The following CTNNA3 variants were observed in gnomAD, a reference collection of about 807,000 sequenced individuals.
CTNNA3 encodes catenin alpha-3.
In CTNNA3, 76 loss-of-function variants were observed where a neutral mutation model predicts 95.7. The ratio of observed to expected loss-of-function variants is 0.79; its 90% CI spans 0.66 to 0.96. The LOEUF is 0.96. CTNNA3 is among the 40% of genes least tolerant of loss of function. The pLI, the probability that CTNNA3 is intolerant of heterozygous loss-of-function variation, is 0.00. For synonymous variants in CTNNA3, 431 were observed against 374.4 expected (o/e 1.15, Z -1.74); for missense variants, 1,191 against 1,089.8 (o/e 1.09, Z -1.31).
intron 3 of CTNNA3, among the ~76,000 whole-genome samples, chr10:67,551,948 G>A (rs1346184979): frequency 1.3e-5 from 2 of 152,164 alleles, no homozygotes; most frequent in African/African-American, 4.8e-5. Context: ...GTAAAAAAAG[G>A]AGCAATGAAA....
At chr10:66,979,939 A>C (rs978988415) in intron 7 of CTNNA3, among the ~76,000 whole-genome samples, 2 of 152,204 alleles carry the variant, frequency 1.3e-5, no homozygotes, top group South Asian at 4.1e-4. Context: ...TTCCTCAAGT[A>C]CTGTTGGAAC....
Position 66,042,923 on chromosome 10 carries a change from A to G in CTNNA3, c.2159+26385T>C, listed in dbSNP as rs1401703148. Reference sequence around the variant, plus strand: ...TCAAAAAAAAAAAAAAAAAAAAAAAAAAAAAAGAAAATAAAAATAATGAGA... The same window carrying G: ...TCAAAAAAAAAAAAAAAAAAAAAAAGAAAAAAGAAAATAAAAATAATGAGA... On this transcript the variant is annotated intron_variant, in intron 15 of 17. Coordinates refer to ENST00000433211, the MANE Select transcript of CTNNA3 (RefSeq NM_013266.4). Among the ~76,000 whole-genome samples, 7 of 146,360 alleles carry G rather than the reference A, an allele frequency of 4.8e-5. 1 individual carries two copies. The highest frequency in any genetic ancestry group is 7.5e-5 in the Non-Finnish European group (5 of 66,580).
At chr10:66,433,622 C>G (rs540105348) in intron 11 of CTNNA3, among the ~76,000 whole-genome samples, 1 of 152,082 alleles carries the variant, frequency 6.6e-6, no homozygotes, top group Non-Finnish European at 1.5e-5. Context: ...TAGTTTCTTT[C>G]ACCGTGCAGA....
chr10:66,269,121 C>A (rs1176336486), intron 13 of CTNNA3, among the ~76,000 whole-genome samples: 1 of 152,196 alleles, frequency 6.6e-6, no homozygotes, highest in African/African-American at 2.4e-5. Context: ...CATACATTAA[C>A]CCTTTTAAAC....
chr10:67,030,778 G>C (rs1853670140), intron 7 of CTNNA3, among the ~76,000 whole-genome samples: 1 of 152,116 alleles, frequency 6.6e-6, no homozygotes, highest in Non-Finnish European at 1.5e-5. Flanking sequence ...GGCCGAGGTG[G>C]GCAGATCACG....
intron 10 of CTNNA3, among the ~76,000 whole-genome samples, chr10:66,545,087 T>C (rs1250306896): frequency 6.6e-6 from 1 of 152,062 alleles, no homozygotes; most frequent in African/African-American, 2.4e-5. Flanking sequence ...GTTGAACGGG[T>C]AGGATATTTT....
intron 7 of CTNNA3, among the ~76,000 whole-genome samples, chr10:66,962,273 G>A (rs1849151648): frequency 6.6e-6 from 1 of 152,042 alleles, no homozygotes; most frequent in South Asian, 2.1e-4. Flanking sequence ...TCACCCACTA[G>A]CCTCTCTTTG....
At chr10:67,708,077 A>G (rs1458788306) in intron 1 of CTNNA3, among the ~76,000 whole-genome samples, 5 of 152,176 alleles carry the variant, frequency 3.3e-5, no homozygotes, top group Non-Finnish European at 7.4e-5. Flanking sequence ...CTATTTCAGA[A>G]CAAACTATTG....
chr10:66,692,535 T>A (rs1847589598), intron 9 of CTNNA3, among the ~76,000 whole-genome samples: 1 of 152,056 alleles, frequency 6.6e-6, no homozygotes, highest in Non-Finnish European at 1.5e-5. Context: ...TGGAAAACAC[T>A]CTGCAGGATA....
At chr10:67,291,735 C>A (rs929354738) in intron 5 of CTNNA3, among the ~76,000 whole-genome samples, 5 of 152,128 alleles carry the variant, frequency 3.3e-5, no homozygotes, top group African/African-American at 4.8e-5. Flanking sequence ...ATTACTGTAA[C>A]CTCTTCACAT....
intron 10 of CTNNA3, among the ~76,000 whole-genome samples, chr10:66,601,927 A>G (rs1843941323): frequency 6.6e-6 from 1 of 151,738 alleles, no homozygotes; most frequent in Non-Finnish European, 1.5e-5. Context: ...AAATTAGAAT[A>G]CTCTCTTCTT....
At chr10:66,760,362 T>G (rs988487233) in intron 9 of CTNNA3, among the ~76,000 whole-genome samples, 2 of 152,154 alleles carry the variant, frequency 1.3e-5, no homozygotes, top group African/African-American at 4.8e-5. Flanking sequence ...TCCTGCCAAC[T>G]TACCTATCTA....
chr10:66,472,335 C>T (rs1387456883), intron 11 of CTNNA3, among the ~76,000 whole-genome samples: 7 of 151,810 alleles, frequency 4.6e-5, no homozygotes, highest in Admixed American at 4.6e-4. Context: ...CCCCTGTAGA[C>T]TCTGGAACAT....
At chr10:67,130,971 G>A (rs900504997) in intron 7 of CTNNA3, among the ~76,000 whole-genome samples, 2 of 152,088 alleles carry the variant, frequency 1.3e-5, no homozygotes, top group Non-Finnish European at 2.9e-5. Flanking sequence ...ATGGCACAAA[G>A]ATAAATATAG....
In CTNNA3 at chr10:66,503,041, G is replaced by T. The variant is rs185060381; in HGVS notation, c.1531+17576C>A. ...AACTATATAGTCTATTATTGGGACA[G>T]GTTGAACAAAAGTGCTCCTTAAAGA... On this transcript the variant is annotated intron_variant, in intron 11 of 17. Coordinates refer to ENST00000433211, the MANE Select transcript of CTNNA3 (RefSeq NM_013266.4). 2.2e-4 allele frequency among the ~76,000 whole-genome samples: 34 copies of T among 152,204 alleles called. 1 individual carries two copies. The highest frequency in any genetic ancestry group is 7.5e-4 in the African/African-American group (31 of 41,544).
At chr10:67,587,194 TG>T (rs1299981698) in intron 3 of CTNNA3, among the ~76,000 whole-genome samples, 4 of 3,626 alleles carry the variant, frequency 1.1e-3, no homozygotes, top group East Asian at 8.8e-3. Context: ...CCAGCTAACT[TG>T]TGTGTGTGTG....
At chr10:67,503,820 A>G (rs1839308989) in intron 5 of CTNNA3, among the ~76,000 whole-genome samples, 1 of 152,202 alleles carries the variant, frequency 6.6e-6, no homozygotes, top group African/African-American at 2.4e-5. Context: ...CACAGCTCTT[A>G]TATCAAGAGT....
chr10:66,061,265 A>G (rs556974920), intron 15 of CTNNA3, among the ~76,000 whole-genome samples: 38 of 152,142 alleles, frequency 2.5e-4, no homozygotes, highest in Non-Finnish European at 5.3e-4. Flanking sequence ...AACTTGCTCC[A>G]CATCTTCAGT....
At chr10:66,737,946 C>A (rs1379024735) in intron 9 of CTNNA3, among the ~76,000 whole-genome samples, 1 of 152,166 alleles carries the variant, frequency 6.6e-6, no homozygotes, top group South Asian at 2.1e-4. Flanking sequence ...CATGAGCCAT[C>A]GCGCCCGGCC....
Sources: allele counts gnomAD v4.1 joint callset (sites outside exome capture counted in the v4.1 genomes callset), GRCh38; gene constraint gnomAD v4.1.1; transcripts MANE v1.5; gene names NCBI Gene and HGNC (gene_info 2026-07-23, HGNC 2026-07-21).